UBE3C: variants seen among roughly 807,000 people sequenced by gnomAD.
UBE3C encodes the protein ubiquitin protein ligase E3C.
Under a neutral mutation model 129.4 loss-of-function variants are expected in UBE3C, and 42 were observed. The observed-to-expected ratio is 0.32, with a 90% CI of 0.25 to 0.42. The LOEUF is 0.42. Among genes scored for constraint, UBE3C ranks in the 10% least tolerant of loss-of-function variants. UBE3C has a pLI of 1.00. For synonymous variants in UBE3C, 510 were observed against 492.4 expected (o/e 1.04, Z -0.47); for missense variants, 1,049 against 1,319.1 (o/e 0.80, Z 3.17).
At chr7:157,218,719 ATGGG>A (rs1350063145) in intron 14 of UBE3C, among the ~76,000 whole-genome samples, 2 of 152,084 alleles carry the variant, frequency 1.3e-5, no homozygotes, top group Non-Finnish European at 2.9e-5. Context: ...ACCCTGCAAG[ATGGG>A]TGTGGAGTGC....
chr7:157,176,242 G>A (rs1167050132), intron 5 of UBE3C, among the ~76,000 whole-genome samples: 1 of 152,114 alleles, frequency 6.6e-6, no homozygotes, highest in Non-Finnish European at 1.5e-5. Context: ...AGTTTGGGCA[G>A]CAGAGCAAGA....
intron 18 of UBE3C, among the ~76,000 whole-genome samples, chr7:157,240,426 A>G (rs1326565110): frequency 6.6e-6 from 1 of 152,212 alleles, no homozygotes; most frequent in East Asian, 1.9e-4. Context: ...ATTACTGGAC[A>G]ATGGAAATAC....
At chr7:157,265,645 C>A (rs1797056909) in intron 22 of UBE3C, among the ~76,000 whole-genome samples, 1 of 152,196 alleles carries the variant, frequency 6.6e-6, no homozygotes, top group Non-Finnish European at 1.5e-5. Flanking sequence ...ATGAGCGAGA[C>A]CCATTATCAG....
chr7:157,256,351 C>T (rs1796750859), intron 21 of UBE3C, among the ~76,000 whole-genome samples: 2 of 152,064 alleles, frequency 1.3e-5, no homozygotes, highest in South Asian at 4.1e-4. Flanking sequence ...CCATGTTGGC[C>T]AGGCTGCTCT....
intron 22 of UBE3C, among the ~76,000 whole-genome samples, chr7:157,264,238 TACACACAC>T (rs139566083): frequency 8.0e-6 from 1 of 125,568 alleles, no homozygotes; most frequent in African/African-American, 3.2e-5. Context: ...CTCGGCCTGT[TACACACAC>T]ACACACACAC....
intron 22 of UBE3C, among the ~76,000 whole-genome samples, chr7:157,265,910 T>G (rs1797064893): frequency 6.6e-6 from 1 of 152,214 alleles, no homozygotes; most frequent in Admixed American, 6.5e-5. Context: ...CTGATCATCT[T>G]TCTTTTTTGT....
chr7:157,195,640 G>T (rs543603826), intron 10 of UBE3C, among the ~76,000 whole-genome samples: 2 of 152,212 alleles, frequency 1.3e-5, no homozygotes, highest in African/African-American at 2.4e-5. Flanking sequence ...TTCTAGGTTC[G>T]CAAGTGCACA....
intron 1 of UBE3C, among the ~76,000 whole-genome samples, chr7:157,160,336 A>G (rs948375537): frequency 6.6e-6 from 1 of 152,128 alleles, no homozygotes; most frequent in African/African-American, 2.4e-5. Context: ...TGGCCTCCCA[A>G]AGTACTGGGA....
At chr7:157,197,726 A>G (rs867442325) in intron 10 of UBE3C, 1 of 1,610,662 alleles carries the variant, frequency 6.2e-7, no homozygotes, top group East Asian at 2.2e-5. Context: ...CAAATTCAGG[A>G]CAAGACTGTA....
intron 22 of UBE3C, among the ~76,000 whole-genome samples, chr7:157,266,026 G>A (rs1015102760): frequency 2.6e-5 from 4 of 152,144 alleles, no homozygotes; most frequent in African/African-American, 9.7e-5. Flanking sequence ...ATGAATAGGG[G>A]AACTGGGGCC....
chr7:157,198,550 T>G, intron 10 of UBE3C: 1 of 316,058 alleles, frequency 3.2e-6, no homozygotes, highest in Non-Finnish European at 6.0e-6. Flanking sequence ...TTTTATTTTT[T>G]TCGACAGGGA....
chr7:157,170,230 C>T (rs569971137), intron 3 of UBE3C, 74 bp from the exon 4 acceptor site: 9 of 1,252,022 alleles, frequency 7.2e-6, no homozygotes, highest in South Asian at 5.3e-5. Flanking sequence ...AACACAGCAA[C>T]GTATATTTAC....
chr7:157,257,944 T>A (rs1313520288), intron 22 of UBE3C, among the ~76,000 whole-genome samples: 1 of 147,956 alleles, frequency 6.8e-6, no homozygotes, highest in Admixed American at 6.7e-5. Flanking sequence ...TTTTCCTTTT[T>A]TCTTTTTTTT....
chr7:157,244,038 C>T (rs1231226017), intron 18 of UBE3C, among the ~76,000 whole-genome samples: 1 of 152,128 alleles, frequency 6.6e-6, no homozygotes, highest in African/African-American at 2.4e-5. Context: ...CAAGACAATC[C>T]TGGCCAACGT....
chr7:157,177,779 G>C (rs960985469), intron 5 of UBE3C, among the ~76,000 whole-genome samples: 1 of 152,190 alleles, frequency 6.6e-6, no homozygotes, highest in South Asian at 2.1e-4. Context: ...CGGATAAGCC[G>C]TGTAGACACA....
chr7:157,220,874 C>T (rs1034677426), intron 15 of UBE3C, 98 bp downstream of exon 15: 4 of 1,337,642 alleles, frequency 3.0e-6, no homozygotes, highest in South Asian at 1.5e-5. Context: ...TAAACTTATA[C>T]AGCCATGTCA....
At chr7:157,170,521 G>C in intron 4 of UBE3C, 71 bp downstream of exon 4, 1 of 1,397,562 alleles carries the variant, frequency 7.2e-7, no homozygotes, top group Admixed American at 2.9e-5. Flanking sequence ...AGTGGAAATG[G>C]CTTCTCATCA....
chr7:157,241,892 G>T (rs753682276), intron 18 of UBE3C, among the ~76,000 whole-genome samples: 4 of 152,194 alleles, frequency 2.6e-5, no homozygotes, highest in African/African-American at 4.8e-5. Context: ...GTTCTGCCCG[G>T]TGAGAGCAGA....
intron 19 of UBE3C, among the ~76,000 whole-genome samples, chr7:157,250,367 T>C (rs1346143849): frequency 1.3e-5 from 2 of 152,150 alleles, no homozygotes; most frequent in Non-Finnish European, 2.9e-5. Context: ...TTGTGTTTTT[T>C]GTAGAGATAG....
Sources: allele counts gnomAD v4.1 joint callset (sites outside exome capture counted in the v4.1 genomes callset), GRCh38; gene constraint gnomAD v4.1.1; transcripts MANE v1.5; gene names NCBI Gene and HGNC (gene_info 2026-07-23, HGNC 2026-07-21).